The following COL4A6 variants were observed in gnomAD, a reference collection of about 807,000 sequenced individuals.
COL4A6 encodes collagen type IV alpha 6 chain, also known as collagen alpha-6(IV) chain.
COL4A6 carries 59 observed loss-of-function variants against 126.7 expected under a neutral mutation model. The observed-to-expected ratio is 0.47, with a 90% CI of 0.38 to 0.58. The LOEUF is 0.58. COL4A6 is among the 20% of genes least tolerant of loss of function. The probability of loss-of-function intolerance (pLI) is 0.00; values close to 1 mark genes in which losing one functional copy is unlikely to be tolerated. For missense variants in COL4A6, 1,285 were observed against 1,337.3 expected (o/e 0.96, Z 0.61); for synonymous variants, 547 against 496.6 (o/e 1.10, Z -1.35).
At chrX:108,295,029 T>C (rs1261268001) in intron 3 of COL4A6, among the ~76,000 whole-genome samples, 8 of 112,610 alleles carry the variant, frequency 7.1e-5, no homozygotes, top group Non-Finnish European at 1.5e-4. Context: ...GTGTTATCCT[T>C]ATCATTTTTA....
At chrX:108,159,402 G>A (rs1353911969) in intron 44 of COL4A6, 60 bp downstream of exon 44, 5 of 1,157,096 alleles carry the variant, frequency 4.3e-6, no homozygotes. Context: ...CTTGAGCCTG[G>A]GAACCAGTCC....
At position 108,160,492 on chromosome X, in the gene COL4A6, C is replaced by G; in HGVS notation, c.4496G>C (p.Gly1499Ala). 1 of 1,206,403 alleles carries G rather than the reference C, an allele frequency of 8.3e-7. No homozygotes were observed. Among genetic ancestry groups the G allele is most frequent in the Non-Finnish European group, 1.1e-6 (1 of 892,910 alleles). ...GTCCTGGTTGTGGGCTTTCTCTTGC[C>G]CCTCCACAAACAGTAAGCTGTACCC... Reference protein sequence around the residue: ...WVGYSLLFVEGQEKAHNQDLG... With the variant: ...WVGYSLLFVEAQEKAHNQDLG... Residue 1499 changes from glycine (G) to alanine (A), a missense_variant, in exon 43 of 45, where the codon GGG (glycine) becomes GCG (alanine). Coordinates refer to ENST00000334504, the MANE Select transcript of COL4A6 (RefSeq NM_033641.4).
chrX:108,317,727 C>A (rs1404523484), intron 2 of COL4A6, among the ~76,000 whole-genome samples: 2 of 109,355 alleles, frequency 1.8e-5, no homozygotes, highest in African/African-American at 6.6e-5. Context: ...TGTCAAAGAT[C>A]AGATAGTTGT....
At chrX:108,353,359 C>T (rs1439406675) in intron 2 of COL4A6, among the ~76,000 whole-genome samples, 1 of 112,610 alleles carries the variant, frequency 8.9e-6, no homozygotes, top group East Asian at 2.8e-4. Flanking sequence ...TGCAAGATGG[C>T]TGTCATTTCT....
chrX:108,367,559 G>A (rs952229320), intron 2 of COL4A6, among the ~76,000 whole-genome samples: 12 of 111,843 alleles, frequency 1.1e-4, no homozygotes, highest in Admixed American at 1.9e-4. Flanking sequence ...TGAGGCCCAC[G>A]ATGAGAGGAA....
intron 2 of COL4A6, among the ~76,000 whole-genome samples, chrX:108,385,805 T>C (rs2040674760): frequency 9.0e-6 from 1 of 110,801 alleles, no homozygotes; most frequent in East Asian, 2.8e-4. Flanking sequence ...GCCATGGTGG[T>C]TTGCTGCACC....
At chrX:108,171,494 G>A in intron 32 of COL4A6, 33 bp from the exon 33 acceptor site, 1 of 1,121,202 alleles carries the variant, frequency 8.9e-7, no homozygotes. Flanking sequence ...TAAATGGCCA[G>A]GAGAAGCTAT....
At chrX:108,364,195 C>T (rs1207605852) in intron 2 of COL4A6, among the ~76,000 whole-genome samples, 1 of 110,937 alleles carries the variant, frequency 9.0e-6, no homozygotes, top group African/African-American at 3.3e-5. Flanking sequence ...TAACAAGCTT[C>T]ATTTCAGAGT....
chrX:108,406,046 C>T (rs1435358533), intron 2 of COL4A6, among the ~76,000 whole-genome samples: 2 of 111,574 alleles, frequency 1.8e-5, no homozygotes, highest in Non-Finnish European at 1.9e-5. Context: ...TGGATCACTG[C>T]AGCCTTGACG....
At chrX:108,408,386 C>T (rs75773553) in intron 2 of COL4A6, among the ~76,000 whole-genome samples, 210 of 110,887 alleles carry the variant, frequency 1.9e-3, no homozygotes, top group Non-Finnish European at 3.4e-3. Flanking sequence ...AGAAAGAAAG[C>T]AAGCTAAGTA....
At chrX:108,313,817 T>TG (rs2038818882) in intron 2 of COL4A6, among the ~76,000 whole-genome samples, 1 of 112,327 alleles carries the variant, frequency 8.9e-6, no homozygotes, top group South Asian at 3.7e-4. Context: ...AGAATTATTA[T>TG]GAATGTAACA....
intron 37 of COL4A6, 70 bp from the exon 38 acceptor site, chrX:108,165,556 A>T (rs1053967585): frequency 5.4e-6 from 4 of 745,701 alleles, no homozygotes; most frequent in Non-Finnish European, 5.8e-6. Context: ...TCTTTCAGAG[A>T]AAATGGAAGC....
rs2033899491 is a variant in COL4A6 at position 108,160,590 on chromosome X, G to T, written c.4398C>A (p.Gly1466=). 2.5e-6 allele frequency: 3 copies of T among 1,210,144 alleles called. No homozygotes were observed. The African/African-American group carries it at 5.2e-5, about 21-fold the overall frequency. ...ACTGGCTGTGCTTTACCAACGTGTA[G>T]CCCACTCTCATGCTCTGGCCAGGCA... ...PGMPGQSMRV[G]YTLVKHSQSE... Residue 1466 remains glycine (G), a synonymous_variant, in exon 43 of 45, where the codon GGC becomes GGA. Coordinates refer to ENST00000334504, the MANE Select transcript of COL4A6 (RefSeq NM_033641.4).
intron 3 of COL4A6, among the ~76,000 whole-genome samples, chrX:108,288,825 C>G (rs181027090): frequency 1.3e-3 from 145 of 111,034 alleles, no homozygotes; most frequent in African/African-American, 4.2e-3. Context: ...CCACCCTAAC[C>G]AAATGATTAT....
Position 108,243,848 on chromosome X carries a change from T to C in COL4A6, c.145-22474A>G, listed in dbSNP as rs2036641516. On this transcript the variant is annotated intron_variant, in intron 3 of 44. Coordinates refer to ENST00000334504, the MANE Select transcript of COL4A6 (RefSeq NM_033641.4). ...AACATCAACCCAATTCACCAGTTAA[T>C]TACAGGATAGACATGAACACCCTCC... 1.8e-5 allele frequency among the ~76,000 whole-genome samples: 2 copies of C among 111,770 alleles called. 1 individual carries two copies. The highest frequency in any genetic ancestry group is 7.5e-4 in the South Asian group (2 of 2,674).
At chrX:108,273,976 A>G (rs1210101943) in intron 3 of COL4A6, among the ~76,000 whole-genome samples, 1 of 112,442 alleles carries the variant, frequency 8.9e-6, no homozygotes, top group East Asian at 2.8e-4. Flanking sequence ...GCTGTGTAAC[A>G]GATTTCCATG....
rs867138404 is a variant in COL4A6, at chrX:108,179,343, G to A, written c.2227C>T (p.Pro743Ser). 1.7e-6 allele frequency: 2 copies of A among 1,209,293 alleles called. No individual in the cohort carries two copies. The highest frequency in any genetic ancestry group is 2.2e-5 in the Admixed American group (1 of 45,723). The change falls in exon 26 of 45, where the codon CCT becomes TCT. Residue 743 changes from proline (P) to serine (S), a missense_variant. By Grantham distance (74) the Pro-to-Ser change is moderately conservative (BLOSUM62 -1). Coordinates refer to ENST00000334504, the MANE Select transcript of COL4A6 (RefSeq NM_033641.4). ...TCACCAGTGGCTCCCTTGGAACCAG[G>A]TAAGCCTGGACTGCCAATCATCCCA... ...LPGMIGSPGL[P>S]GSKGATGDIF...
At chrX:108,158,947 A>T (rs1357591783) in intron 44 of COL4A6, among the ~76,000 whole-genome samples, 1 of 112,339 alleles carries the variant, frequency 8.9e-6, no homozygotes, top group Non-Finnish European at 1.9e-5. Flanking sequence ...CTGCCTTCAC[A>T]CCGAAATGGA....
In COL4A6 at chrX:108,179,391, G is replaced by C. The variant is rs139265197; in HGVS notation, c.2179C>G (p.Leu727Val). 2.8e-5 allele frequency: 34 copies of C among 1,207,995 alleles called. No individual in the cohort carries two copies. The African/African-American group carries it at 5.3e-4, about 19-fold the overall frequency. The change falls in exon 26 of 45, where the codon CTC becomes GTC. Residue 727 changes from leucine (L) to valine (V), a missense_variant. Physicochemically the swap from Leu to Val is conservative, Grantham distance 32. Coordinates refer to ENST00000334504, the MANE Select transcript of COL4A6 (RefSeq NM_033641.4). The part of the protein sequence containing the change: ...GEKGLPGFPG[L>V]PGKDGLPGMI... ...CCAGGCAAGCCATCTTTTCCAGGGA[G>C]CCCAGGAAACCCAGGCAAGCCCTTC...
Sources: allele counts gnomAD v4.1 joint callset (sites outside exome capture counted in the v4.1 genomes callset), GRCh38; gene constraint gnomAD v4.1.1; transcripts MANE v1.5; gene names NCBI Gene and HGNC (gene_info 2026-07-23, HGNC 2026-07-21).